The following CREB5 variants were observed in gnomAD, a reference collection of about 807,000 sequenced individuals.
CREB5 encodes cAMP responsive element binding protein 5.
A neutral mutation model predicts 57.1 loss-of-function variants in CREB5; 19 were observed. The observed-to-expected ratio is 0.33, with a 90% CI of 0.23 to 0.49. The LOEUF (loss-of-function observed/expected upper bound fraction) is 0.49, where lower values mean the gene tolerates loss of function less well. Among genes scored for constraint, CREB5 ranks in the 20% least tolerant of loss-of-function variants. The pLI is 0.99. For missense variants in CREB5, 579 were observed against 671.6 expected (o/e 0.86, Z 1.52); for synonymous variants, 238 against 238.3 (o/e 1.00, Z 0.01).
chr7:28,393,560 A>G (rs1223838291), intron 1 of CREB5, among the ~76,000 whole-genome samples: 1 of 152,222 alleles, frequency 6.6e-6, no homozygotes, highest in Non-Finnish European at 1.5e-5. Context: ...GTCTGACATA[A>G]AAAGAGCTTG....
intron 7 of CREB5, among the ~76,000 whole-genome samples, chr7:28,788,042 T>A (rs1647958010): frequency 6.6e-6 from 1 of 152,170 alleles, no homozygotes; most frequent in Non-Finnish European, 1.5e-5. Flanking sequence ...AGTAATAAAA[T>A]AAGTAACATT....
intron 7 of CREB5, among the ~76,000 whole-genome samples, chr7:28,784,846 G>T (rs1807219397): frequency 6.6e-6 from 1 of 152,164 alleles, no homozygotes; most frequent in Non-Finnish European, 1.5e-5. Flanking sequence ...GGCCTCACCA[G>T]AGTTGTGGGG....
intron 5 of CREB5, among the ~76,000 whole-genome samples, chr7:28,580,378 G>GT (rs1554347462): frequency 7.1e-6 from 1 of 140,584 alleles, no homozygotes; most frequent in African/African-American, 2.9e-5. Context: ...GTCTGTGTGT[G>GT]TGGGGGGGGC....
intron 1 of CREB5, among the ~76,000 whole-genome samples, chr7:28,454,419 A>T (rs565918368): frequency 6.6e-6 from 1 of 152,194 alleles, no homozygotes; most frequent in African/African-American, 2.4e-5. Flanking sequence ...ACCTGTGAGG[A>T]TAGTGAGGCA....
intron 5 of CREB5, among the ~76,000 whole-genome samples, chr7:28,634,463 T>C (rs947662626): frequency 6.6e-6 from 1 of 152,216 alleles, no homozygotes; most frequent in Non-Finnish European, 1.5e-5. Context: ...TTTTAAAAAA[T>C]TATGATGAGC....
At chr7:28,761,424 G>A (rs1805643754) in intron 7 of CREB5, among the ~76,000 whole-genome samples, 1 of 152,126 alleles carries the variant, frequency 6.6e-6, no homozygotes, top group Non-Finnish European at 1.5e-5. Flanking sequence ...AGGGCAAATG[G>A]CAAGTCAATA....
At position 28,551,407 on chromosome 7, in the gene CREB5, C is replaced by T. The variant is rs183748527; in HGVS notation, c.292-18958C>T. 1.3e-4 allele frequency among the ~76,000 whole-genome samples: 20 copies of T among 152,278 alleles called. 1 individual carries two copies. The highest frequency in any genetic ancestry group is 4.3e-4 in the African/African-American group (18 of 41,562). On this transcript the variant is annotated intron_variant, in intron 4 of 10. Transcript: ENST00000357727. ...TTTCCTTTCCTCTGATGTCCGCCCACCCCTAGCCAAATCCTTTCACAAAAC... is the reference window on the plus strand; with the variant it reads ...TTTCCTTTCCTCTGATGTCCGCCCATCCCTAGCCAAATCCTTTCACAAAAC...
chr7:28,628,205 T>TCGAGAC (rs1174363019), intron 5 of CREB5, among the ~76,000 whole-genome samples: 1 of 151,882 alleles, frequency 6.6e-6, no homozygotes, highest in East Asian at 1.9e-4. Context: ...CTTTAGGGTC[T>TCGAGAC]CGAGACCCTA....
chr7:28,789,570 A>G (rs1199232539), intron 7 of CREB5, among the ~76,000 whole-genome samples: 1 of 152,190 alleles, frequency 6.6e-6, no homozygotes, highest in East Asian at 1.9e-4. Flanking sequence ...TAATATAGTT[A>G]ATTAACAACT....
At chr7:28,787,102 G>A (rs1807374247) in intron 7 of CREB5, among the ~76,000 whole-genome samples, 1 of 152,136 alleles carries the variant, frequency 6.6e-6, no homozygotes, top group Non-Finnish European at 1.5e-5. Flanking sequence ...CAAATGAGAA[G>A]GTTGGCAGAT....
chr7:28,479,996 A>G (rs1244800565), intron 1 of CREB5, among the ~76,000 whole-genome samples: 1 of 142,196 alleles, frequency 7.0e-6, no homozygotes, highest in Non-Finnish European at 1.5e-5. Context: ...GAAGATATAG[A>G]TACTTATCTA....
chr7:28,570,948 C>A (rs753614111), intron 5 of CREB5, among the ~76,000 whole-genome samples: 20 of 152,084 alleles, frequency 1.3e-4, no homozygotes, highest in Non-Finnish European at 1.9e-4. Context: ...ACACTCATCA[C>A]CTCATCTTCT....
intron 1 of CREB5, among the ~76,000 whole-genome samples, chr7:28,425,307 T>C (rs1411087335): frequency 6.6e-6 from 1 of 152,036 alleles, no homozygotes; most frequent in Non-Finnish European, 1.5e-5. Flanking sequence ...TGAATGAACC[T>C]TGAAAACATG....
intron 1 of CREB5, among the ~76,000 whole-genome samples, chr7:28,310,059 A>G (rs1785248901): frequency 6.6e-6 from 1 of 152,152 alleles, no homozygotes; most frequent in African/African-American, 2.4e-5. Flanking sequence ...GCTAAGCAAC[A>G]TTTCAGCAGG....
intron 4 of CREB5, among the ~76,000 whole-genome samples, chr7:28,548,999 G>T (rs1019928195): frequency 1.3e-5 from 2 of 152,148 alleles, no homozygotes; most frequent in African/African-American, 4.8e-5. Flanking sequence ...GATATTAAAA[G>T]ATTAAGGAGG....
intron 1 of CREB5, among the ~76,000 whole-genome samples, chr7:28,346,229 G>A (rs1786055197): frequency 6.6e-6 from 1 of 152,198 alleles, no homozygotes; most frequent in African/African-American, 2.4e-5. Flanking sequence ...TAATTTGGTT[G>A]GCTTATAAAC....
At chr7:28,474,312 G>A (rs745759911) in intron 1 of CREB5, among the ~76,000 whole-genome samples, 8 of 152,136 alleles carry the variant, frequency 5.3e-5, no homozygotes, top group African/African-American at 1.9e-4. Flanking sequence ...CAGTTTCCGC[G>A]GGTGTTGACT....
At chr7:28,513,529 C>A (rs918571003) in intron 4 of CREB5, 8 of 150,680 alleles carry the variant, frequency 5.3e-5, no homozygotes, top group African/African-American at 1.2e-4. Flanking sequence ...TTCCACCACC[C>A]CAATGACTGA....
In CREB5 at chr7:28,824,717, A is replaced by G. The variant is rs566160919; in HGVS notation, c.*5438A>G. 6 of 152,728 alleles carry G rather than the reference A, an allele frequency of 3.9e-5. No homozygotes were observed. The East Asian group carries it at 9.6e-4, about 25-fold the overall frequency. The allele number at this position is 152,728 out of a possible 1,614,324, so 9.5% of individuals were successfully genotyped here. On this transcript the variant is annotated 3_prime_UTR_variant, in exon 11 of 11. Transcript: ENST00000357727. The stretch of plus-strand genomic sequence containing the variant: ...TTCAGTGATGTAATGCTTGTAGCCA[A>G]ATTGCTTAAAGAGTGTTTATATATT...
Sources: gnomAD v4.1 joint callset for allele counts (sites outside exome capture counted in the v4.1 genomes callset) on GRCh38, gnomAD v4.1.1 for gene constraint, MANE v1.5 for transcripts, NCBI Gene and HGNC (gene_info 2026-07-23, HGNC 2026-07-21) for gene names.